AKR1C4: variants seen among roughly 807,000 people sequenced by gnomAD.
The protein encoded by AKR1C4 is 3-alpha-HSD1.
A neutral mutation model predicts 41.0 loss-of-function variants in AKR1C4; 44 were observed. The ratio of observed to expected loss-of-function variants is 1.07; its 90% CI spans 0.84 to 1.38. The LOEUF is 1.38. Ranked by LOEUF, AKR1C4 falls within the 40% of genes most tolerant of loss-of-function variation. The pLI is 0.00. For synonymous variants in AKR1C4, 165 were observed against 137.7 expected (o/e 1.20, Z -1.39); for missense variants, 438 against 387.9 (o/e 1.13, Z -1.09).
chr10:5,199,861 T>A (rs1433350249), intron 1 of AKR1C4, among the ~76,000 whole-genome samples: 4 of 152,134 alleles, frequency 2.6e-5, no homozygotes, highest in Non-Finnish European at 4.4e-5. Flanking sequence ...GTCCTTGCCA[T>A]AAGGTAGAGG....
At chr10:5,208,914 A>T (rs1252870575) in intron 5 of AKR1C4, among the ~76,000 whole-genome samples, 28 of 150,652 alleles carry the variant, frequency 1.9e-4, no homozygotes, top group Non-Finnish European at 8.8e-5. Flanking sequence ...AAAACAAAAA[A>T]AAAACATCCA....
chr10:5,202,562 T>A lies in AKR1C4; in HGVS notation c.253-1815T>A, dbSNP rs561542601. ...CTATGTTTAATAGAAGTGGTAAAAATTGGGCATCCTTGTCTTATTCCAGTT... is the reference window on the plus strand; with the variant it reads ...CTATGTTTAATAGAAGTGGTAAAAAATGGGCATCCTTGTCTTATTCCAGTT... On this transcript the variant is annotated intron_variant, in intron 2 of 8. Coordinates refer to ENST00000263126, the MANE Select transcript of AKR1C4 (RefSeq NM_001818.5). 1.7e-3 allele frequency: 716 copies of A among 429,230 alleles called. 3 individuals are homozygous for A. Among genetic ancestry groups the A allele is most frequent in the Middle Eastern group, 2.0e-3 (3 of 1,518 alleles). The allele number at this position is 429,230 out of a possible 1,614,324, so 26.6% of individuals were successfully genotyped here.
In AKR1C4 at chr10:5,212,678, T is replaced by C. The variant is rs780901990; in HGVS notation, c.633T>C (p.Ile211=). The change falls in exon 6 of 9, where the codon ATT becomes ATC. Residue 211 remains isoleucine, a synonymous_variant. Coordinates refer to ENST00000263126, the MANE Select transcript of AKR1C4 (RefSeq NM_001818.5). ...KLLDFCKSKD[I]VLVAHSALGT... is the part of the protein sequence containing the mutation. Reference sequence around the variant, plus strand: ...TGGATTTCTGCAAGTCAAAAGACATTGTTCTGGTTGCCCACAGTGCTCTGG... The same window carrying C: ...TGGATTTCTGCAAGTCAAAAGACATCGTTCTGGTTGCCCACAGTGCTCTGG... The C allele has an allele frequency of 7.4e-6, 12 of 1,613,972 alleles. No homozygotes were observed. The Admixed American group carries it at 1.2e-4, about 16-fold the overall frequency.
intron 1 of AKR1C4, among the ~76,000 whole-genome samples, chr10:5,199,195 G>T (rs1436670012): frequency 2.6e-5 from 4 of 152,048 alleles, no homozygotes; most frequent in African/African-American, 4.8e-5. Flanking sequence ...CAGCAAATTG[G>T]GATGGGTTTA....
intron 3 of AKR1C4, 139 bp from the exon 4 acceptor site, chr10:5,205,618 G>A: frequency 1.8e-6 from 1 of 568,136 alleles, no homozygotes; most frequent in Non-Finnish European, 3.0e-6. Context: ...CTCTGTACGT[G>A]AAACACTTGG....
At chr10:5,202,959 G>T (rs868966440) in intron 2 of AKR1C4, among the ~76,000 whole-genome samples, 12,179 of 149,736 alleles carry the variant, frequency 0.081, 652 homozygotes, top group African/African-American at 0.13. Context: ...GTGTGTGTGT[G>T]TGTGTGTGTG....
intron 1 of AKR1C4, among the ~76,000 whole-genome samples, chr10:5,199,896 G>T (rs1455440321): frequency 6.6e-6 from 1 of 152,184 alleles, no homozygotes; most frequent in Non-Finnish European, 1.5e-5. Flanking sequence ...GTTAACACAA[G>T]CCTGTAGATG....
chr10:5,216,659 C>A, intron 7 of AKR1C4, 52 bp from the exon 8 acceptor site: 1 of 1,414,996 alleles, frequency 7.1e-7, no homozygotes, highest in South Asian at 1.2e-5. Flanking sequence ...TTGGCTATTC[C>A]AAGTTGACAA....
chr10:5,205,628 GC>G (rs1554797388), intron 3 of AKR1C4, 128 bp from the exon 4 acceptor site: 1 of 637,730 alleles, frequency 1.6e-6, no homozygotes, highest in African/African-American at 1.9e-5. Context: ...GAAACACTTG[GC>G]CCACATCACT....
rs555079975 is a variant in AKR1C4, at chr10:5,208,395, C to T, written c.570+1998C>T. Among the ~76,000 whole-genome samples the T allele has an allele frequency of 5.9e-5, 9 of 151,482 alleles. 1 individual carries two copies. Among genetic ancestry groups the T allele is most frequent in the African/African-American group, 2.2e-4 (9 of 40,820 alleles). On this transcript the variant is annotated intron_variant, in intron 5 of 8. Transcript: ENST00000263126. ...ATGTGGTTTTAATATTAGTTTTACT[C>T]AATTATTATTATGACAACTTTCAAA...
intron 5 of AKR1C4, chr10:5,207,438 C>CA (rs1248277555): frequency 2.9e-6 from 1 of 350,638 alleles, no homozygotes; most frequent in African/African-American, 2.2e-5. Flanking sequence ...ATGCAAGATG[C>CA]ACAGATGGCA....
intron 8 of AKR1C4, among the ~76,000 whole-genome samples, chr10:5,217,912 C>T (rs1393995638): frequency 6.6e-6 from 1 of 152,208 alleles, no homozygotes; most frequent in African/African-American, 2.4e-5. Context: ...AGTTATGTCA[C>T]TGCCTGCAGT....
Position 5,213,454 on chromosome 10 carries a change from G to A in AKR1C4, c.846+295G>A, listed in dbSNP as rs184352067. ...TTCATTTTCTGAAGTGAGGAGTTGGGTTAGGTGTTCTCTAATCTTCAAAAA... is the reference window on the plus strand; with the variant it reads ...TTCATTTTCTGAAGTGAGGAGTTGGATTAGGTGTTCTCTAATCTTCAAAAA... On this transcript the variant is annotated intron_variant, in intron 7 of 8. Coordinates refer to ENST00000263126, the MANE Select transcript of AKR1C4 (RefSeq NM_001818.5). Among the ~76,000 whole-genome samples the A allele has an allele frequency of 2.0e-3, 307 of 152,258 alleles. 2 individuals are homozygous for A. The highest frequency in any genetic ancestry group is 3.8e-3 in the Non-Finnish European group (257 of 68,018).
chr10:5,198,816 A>C (rs1409136871), intron 1 of AKR1C4, among the ~76,000 whole-genome samples: 1 of 152,112 alleles, frequency 6.6e-6, no homozygotes, highest in Non-Finnish European at 1.5e-5. Flanking sequence ...AGCCTGGGTA[A>C]CATAGGAAAT....
intron 3 of AKR1C4, 60 bp downstream of exon 3, chr10:5,204,553 GTTGAA>G: frequency 1.5e-6 from 2 of 1,293,208 alleles, no homozygotes; most frequent in Non-Finnish European, 2.3e-6. Flanking sequence ...CTTTATGATG[GTTGAA>G]TTGAACTTCT....
rs138487566 is a variant in AKR1C4 at position 5,200,309 on chromosome 10, T to C, written c.213T>C (p.Asp71=). 3.7e-6 allele frequency: 6 copies of C among 1,614,050 alleles called. No individual in the cohort carries two copies. In the African/African-American group the frequency reaches 8.0e-5, roughly 22 times the overall value. Residue 71 remains aspartate, a synonymous_variant, in exon 2 of 9, where the codon GAT becomes GAC. Coordinates refer to ENST00000263126, the MANE Select transcript of AKR1C4 (RefSeq NM_001818.5). The part of the protein sequence containing the change: ...VGLAIRSKIA[D]GSVKREDIFY... ...TGGCCATCCGAAGCAAGATTGCAGA[T>C]GGCAGTGTGAAGAGAGAAGACATAT... is the stretch of plus-strand genomic sequence containing the variant.
At chr10:5,200,525 A>T (rs564755793) in intron 2 of AKR1C4, among the ~76,000 whole-genome samples, 177 bp downstream of exon 2, 1 of 152,204 alleles carries the variant, frequency 6.6e-6, no homozygotes, top group Non-Finnish European at 1.5e-5. Context: ...TGCCTTTCTC[A>T]TCATTGTTGT....
chr10:5,213,592 A>G (rs1832609469), intron 7 of AKR1C4, among the ~76,000 whole-genome samples: 1 of 152,170 alleles, frequency 6.6e-6, no homozygotes, highest in African/African-American at 2.4e-5. Context: ...ATTAGGTTGC[A>G]TGTCTTTTTC....
intron 7 of AKR1C4, among the ~76,000 whole-genome samples, chr10:5,214,403 A>T (rs1281010263): frequency 6.6e-6 from 1 of 152,210 alleles, no homozygotes; most frequent in South Asian, 2.1e-4. Context: ...GCTAGTCCTG[A>T]ATGAGTGTTC....
Sources: gnomAD v4.1 joint callset for allele counts (sites outside exome capture counted in the v4.1 genomes callset) on GRCh38, gnomAD v4.1.1 for gene constraint, MANE v1.5 for transcripts, NCBI Gene and HGNC (gene_info 2026-07-23, HGNC 2026-07-21) for gene names.